Variants in TSNARE1 observed in about 807,000 individuals in gnomAD.
TSNARE1 encodes t-SNARE domain containing 1.
A neutral mutation model predicts 62.0 loss-of-function variants in TSNARE1; 49 were observed. The ratio of observed to expected loss-of-function variants is 0.79; its 90% CI spans 0.63 to 1.00. The LOEUF (loss-of-function observed/expected upper bound fraction) is 1.00. Ranked by LOEUF, TSNARE1 falls within the 50% of genes least tolerant of loss-of-function variation. The pLI is 0.00. For synonymous variants in TSNARE1, 328 were observed against 294.4 expected (o/e 1.11, Z -1.17); for missense variants, 755 against 700.1 (o/e 1.08, Z -0.88).
At chr8:142,305,033 A>C (rs2131403072) in intron 9 of TSNARE1, among the ~76,000 whole-genome samples, 1 of 152,252 alleles carries the variant, frequency 6.6e-6, no homozygotes, top group African/African-American at 2.4e-5. Flanking sequence ...CCGAGGACGG[A>C]GATGTAGGAG....
chr8:142,235,372 T>G (rs1357912300), intron 12 of TSNARE1, among the ~76,000 whole-genome samples: 1 of 151,478 alleles, frequency 6.6e-6, no homozygotes, highest in Non-Finnish European at 1.5e-5. Context: ...CCCCACCTGG[T>G]TTGCTCCTCC....
At chr8:142,276,971 G>A in intron 11 of TSNARE1, 1 of 985,466 alleles carries the variant, frequency 1.0e-6, no homozygotes, top group Non-Finnish European at 1.2e-6. Context: ...GCACAGAGAT[G>A]CACAAGGGGA....
intron 10 of TSNARE1, among the ~76,000 whole-genome samples, chr8:142,292,394 A>G (rs564600285): frequency 1.3e-5 from 2 of 152,272 alleles, no homozygotes; most frequent in African/African-American, 4.8e-5. Context: ...TCTCATGGGA[A>G]TTTTGAAGAT....
At chr8:142,283,339 C>CCAGTGTCTGCCAATGAGCAGAGGCGGGGA (rs1563824809) in intron 11 of TSNARE1, among the ~76,000 whole-genome samples, 7 of 140,992 alleles carry the variant, frequency 5.0e-5, no homozygotes, top group South Asian at 2.3e-4. Flanking sequence ...AGAGGCGGGG[C>CCAGTGTCTGCCAATGAGCAGAGGCGGGGA]CAGTGTCTGT....
chr8:142,259,879 G>A (rs554785872), intron 12 of TSNARE1, among the ~76,000 whole-genome samples: 27 of 152,282 alleles, frequency 1.8e-4, no homozygotes, highest in South Asian at 4.1e-4. Context: ...GGGATGCCTC[G>A]TAGCAAACCC....
intron 12 of TSNARE1, chr8:142,269,334 G>T: frequency 1.5e-6 from 1 of 653,534 alleles, no homozygotes; most frequent in Non-Finnish European, 1.9e-6. Flanking sequence ...CAGGGTCAAG[G>T]CTCAATGTGC....
At chr8:142,313,678 T>C (rs1828036191) in intron 9 of TSNARE1, among the ~76,000 whole-genome samples, 2 of 152,232 alleles carry the variant, frequency 1.3e-5, no homozygotes, top group South Asian at 4.1e-4. Flanking sequence ...TGTGTCTCTG[T>C]GTGTTTATCT....
intron 10 of TSNARE1, among the ~76,000 whole-genome samples, chr8:142,299,666 C>T (rs1202407684): frequency 1.3e-5 from 2 of 150,648 alleles, no homozygotes; most frequent in Non-Finnish European, 3.0e-5. Flanking sequence ...CTTGCATGCA[C>T]ACACGCACTC....
At chr8:142,342,804 C>T (rs571696720) in intron 4 of TSNARE1, among the ~76,000 whole-genome samples, 3 of 151,082 alleles carry the variant, frequency 2.0e-5, no homozygotes, top group African/African-American at 4.9e-5. Flanking sequence ...GCCATGCCTA[C>T]GCCCAGCACC....
chr8:142,387,403 G>T (rs1309460271), intron 1 of TSNARE1, among the ~76,000 whole-genome samples: 3 of 151,982 alleles, frequency 2.0e-5, no homozygotes, highest in Non-Finnish European at 1.5e-5. Flanking sequence ...AATCAGAAGG[G>T]ATTATTATTA....
intron 12 of TSNARE1, chr8:142,273,599 G>C: frequency 1.0e-6 from 1 of 985,364 alleles, no homozygotes; most frequent in Non-Finnish European, 1.2e-6. Flanking sequence ...TGTCAACAGG[G>C]ACTGACCCTT....
At chr8:142,276,313 C>T (rs952994536) in intron 11 of TSNARE1, 127 of 985,324 alleles carry the variant, frequency 1.3e-4, no homozygotes, top group Middle Eastern at 5.2e-4. Context: ...GGTCACGACC[C>T]TCTGAGCCAA....
intron 1 of TSNARE1, among the ~76,000 whole-genome samples, chr8:142,394,350 C>T (rs553830768): frequency 6.6e-6 from 1 of 152,330 alleles, no homozygotes; most frequent in African/African-American, 2.4e-5. Flanking sequence ...CCTCTTACTC[C>T]CCATCTGTAA....
At chr8:142,245,765 T>TAGGGCA (rs1245065297) in intron 12 of TSNARE1, among the ~76,000 whole-genome samples, 3 of 152,164 alleles carry the variant, frequency 2.0e-5, no homozygotes, top group Admixed American at 2.0e-4. Context: ...GAGGGTGCGA[T>TAGGGCA]GAGGCAGGGC....
chr8:142,222,464 C>CCACTAATTCACTCACT (rs1563755180), intron 13 of TSNARE1, among the ~76,000 whole-genome samples: 4 of 111,456 alleles, frequency 3.6e-5, no homozygotes, highest in Non-Finnish European at 3.8e-5. Flanking sequence ...ACTCACTCAT[C>CCACTAATTCACTCACT]CACTCATCCA....
intron 6 of TSNARE1, among the ~76,000 whole-genome samples, chr8:142,327,615 C>T (rs1830448100): frequency 6.6e-6 from 1 of 152,210 alleles, no homozygotes; most frequent in African/African-American, 2.4e-5. Context: ...ACCCCTCTGC[C>T]ACAGGGACTT....
At chr8:142,235,320 C>T (rs894210580) in intron 12 of TSNARE1, among the ~76,000 whole-genome samples, 8 of 152,232 alleles carry the variant, frequency 5.3e-5, no homozygotes, top group Non-Finnish European at 4.4e-5. Flanking sequence ...GGATGTCTAA[C>T]GCGGGCCCCA....
At chr8:142,253,809 G>T (rs7462788) in intron 12 of TSNARE1, among the ~76,000 whole-genome samples, 74,410 of 152,070 alleles carry the variant, frequency 0.49, 19,286 homozygotes, top group African/African-American at 0.66. Context: ...CAGGGGCCCG[G>T]CACGTGGCCC....
intron 1 of TSNARE1, among the ~76,000 whole-genome samples, chr8:142,357,518 G>A (rs537813912): frequency 6.6e-6 from 1 of 152,318 alleles, no homozygotes; most frequent in South Asian, 2.1e-4. Flanking sequence ...TGGCAGGGCA[G>A]TGAGCAGGTG....
Sources: allele counts gnomAD v4.1 joint callset (sites outside exome capture counted in the v4.1 genomes callset), GRCh38; gene constraint gnomAD v4.1.1; transcripts MANE v1.5; gene names NCBI Gene and HGNC (gene_info 2026-07-23, HGNC 2026-07-21).